The following CLTCL1 variants were observed in gnomAD, a reference collection of about 807,000 sequenced individuals.
CLTCL1 encodes the protein clathrin heavy chain 2.
Under a neutral mutation model 190.0 loss-of-function variants are expected in CLTCL1, and 159 were observed. The observed-to-expected ratio is 0.84, with a 90% confidence interval of 0.74 to 0.95. The LOEUF (loss-of-function observed/expected upper bound fraction) is 0.95. Ranked by LOEUF, CLTCL1 falls within the 40% of genes least tolerant of loss-of-function variation. The pLI is 0.00. For synonymous variants in CLTCL1, 752 were observed against 769.6 expected (o/e 0.98, Z 0.38); for missense variants, 1,878 against 2,033.4 (o/e 0.92, Z 1.47).
chr22:19,189,028 T>C (rs1046609033), intron 27 of CLTCL1, among the ~76,000 whole-genome samples: 1 of 152,016 alleles, frequency 6.6e-6, no homozygotes, highest in Admixed American at 6.6e-5. Flanking sequence ...CTCAGCCTCC[T>C]GAGTATCTGG....
At chr22:19,236,045 C>A (rs983162754) in intron 5 of CLTCL1, among the ~76,000 whole-genome samples, 176 bp from the exon 6 acceptor site, 1 of 152,106 alleles carries the variant, frequency 6.6e-6, no homozygotes, top group Non-Finnish European at 1.5e-5. Context: ...CTGCAACTTC[C>A]GACCTCTGGG....
In CLTCL1 at chr22:19,180,206, A is replaced by G. The variant is rs1555925148; in HGVS notation, c.*13T>C. ...TCCAAATGGGACACTTACTTAGTGC[A>G]ATCAGCTGGGTCTCATTCATGCCCA... On this transcript the variant is annotated 3_prime_UTR_variant, in exon 32 of 33. Coordinates refer to ENST00000427926, the MANE Select transcript of CLTCL1 (RefSeq NM_007098.4). The G allele has an allele frequency of 2.5e-6, 4 of 1,613,586 alleles. No individual in the cohort carries two copies. The highest frequency in any genetic ancestry group is 3.4e-6 in the Non-Finnish European group (4 of 1,179,746).
Position 19,180,749 on chromosome 22 carries a change from GCT to G in CLTCL1, c.4883_4884del (p.Glu1628AlafsTer7). On this transcript the variant is annotated frameshift_variant, in exon 31 of 33. Transcript: ENST00000427926. LOFTEE classifies it high-confidence loss of function. The stretch of plus-strand genomic sequence containing the variant: ...CACCTACCAAACACGAGAGGGGCAG[GCT>G]CTGTCACATGCTCCTCTTGCTTGCG... ...SLRKQEEHVT[E>X]PAPLVFDFDG... 6.2e-7 allele frequency: 1 copy of G among 1,613,754 alleles called. No individual in the cohort carries two copies.
chr22:19,237,317 A>T (rs879954626), intron 5 of CLTCL1, among the ~76,000 whole-genome samples: 9 of 152,066 alleles, frequency 5.9e-5, no homozygotes, highest in Non-Finnish European at 8.8e-5. Flanking sequence ...TCTACTTTTT[A>T]AAAAAAGATC....
At chr22:19,273,526 C>A (rs1390513166) in intron 2 of CLTCL1, among the ~76,000 whole-genome samples, 2 of 152,068 alleles carry the variant, frequency 1.3e-5, no homozygotes, top group African/African-American at 4.8e-5. Context: ...AGAACACCAG[C>A]CTCAGGCAAG....
At chr22:19,208,127 G>A (rs782132309) in intron 22 of CLTCL1, 27 bp downstream of exon 22, 3 of 1,613,590 alleles carry the variant, frequency 1.9e-6, no homozygotes, top group Non-Finnish European at 2.5e-6. Context: ...GACTGGCAGT[G>A]CACAGCCCCC....
intron 2 of CLTCL1, among the ~76,000 whole-genome samples, chr22:19,272,002 C>T (rs1204056981): frequency 6.6e-6 from 1 of 152,134 alleles, no homozygotes; most frequent in African/African-American, 2.4e-5. Flanking sequence ...CTAGCTACTT[C>T]AGAGGCTGAC....
chr22:19,283,700 T>C (rs2087804842), intron 1 of CLTCL1, among the ~76,000 whole-genome samples: 1 of 151,790 alleles, frequency 6.6e-6, no homozygotes, highest in Admixed American at 6.6e-5. Context: ...AATTCAAATC[T>C]GACAATGGGG....
At chr22:19,207,610 G>A (rs926584171) in intron 22 of CLTCL1, 2 of 413,962 alleles carry the variant, frequency 4.8e-6, no homozygotes, top group African/African-American at 4.1e-5. Flanking sequence ...GCTGGTCTGT[G>A]GCCTGTTAGG....
chr22:19,222,376 G>A (rs1294429844), intron 15 of CLTCL1, among the ~76,000 whole-genome samples: 2 of 152,222 alleles, frequency 1.3e-5, no homozygotes, highest in Admixed American at 6.5e-5. Context: ...CATGCACAGA[G>A]GAAAGGCCCT....
chr22:19,210,630 C>G, intron 19 of CLTCL1, 121 bp from the exon 20 acceptor site: 1 of 667,402 alleles, frequency 1.5e-6, no homozygotes, highest in Non-Finnish European at 2.5e-6. Context: ...TATACACACA[C>G]ATAACTGCTA....
At position 19,239,320 on chromosome 22, in the gene CLTCL1, C is replaced by T; in HGVS notation, c.750G>A (p.Val250=). 6.2e-7 allele frequency: 1 copy of T among 1,614,054 alleles called. No homozygotes were observed. Among genetic ancestry groups the T allele is most frequent in the Non-Finnish European group, 8.5e-7 (1 of 1,179,898 alleles). The change falls in exon 5 of 33, where the codon GTG becomes GTA. Residue 250 remains valine (V), a synonymous_variant. Coordinates refer to ENST00000427926, the MANE Select transcript of CLTCL1 (RefSeq NM_007098.4). The part of the protein sequence containing the change: ...NQPFVKKAVD[V]FFPPEAQNDF... Reference sequence around the variant, plus strand: ...CATTCTGTGCCTCTGGAGGAAAAAACACATCTACTGCTTTCTTTACAAAAG... The same window carrying T: ...CATTCTGTGCCTCTGGAGGAAAAAATACATCTACTGCTTTCTTTACAAAAG...
chr22:19,252,679 C>T (rs907343387), intron 3 of CLTCL1, among the ~76,000 whole-genome samples: 2 of 152,184 alleles, frequency 1.3e-5, no homozygotes, highest in Non-Finnish European at 2.9e-5. Context: ...GTGCAAACAT[C>T]CTGTAGTCCT....
chr22:19,194,087 A>G (rs2078337644), intron 26 of CLTCL1, among the ~76,000 whole-genome samples: 1 of 152,158 alleles, frequency 6.6e-6, no homozygotes, highest in African/African-American at 2.4e-5. Context: ...TGATTGGCCC[A>G]TTTTACAGAG....
intron 5 of CLTCL1, among the ~76,000 whole-genome samples, chr22:19,237,943 T>C (rs534562808): frequency 2.0e-5 from 3 of 152,320 alleles, no homozygotes; most frequent in Admixed American, 6.5e-5. Flanking sequence ...ATAACATATA[T>C]TTTATGAGAA....
chr22:19,189,991 G>T (rs2084437709), intron 27 of CLTCL1, among the ~76,000 whole-genome samples: 1 of 152,114 alleles, frequency 6.6e-6, no homozygotes, highest in African/African-American at 2.4e-5. Context: ...CTGTTGCCCA[G>T]GCTGGAGTGC....
chr22:19,198,246 C>T lies in CLTCL1; in HGVS notation c.3873+1488G>A, dbSNP rs1666838613. ...GGTGGCTGCTCATTCAAAGCACACA[C>T]CCAATCCTGATGGCCTGATCACCTC... On this transcript the variant is annotated intron_variant, in intron 24 of 32. Transcript: ENST00000427926. This position sits in a 1 kb window ranked among gnomAD's most constrained non-coding sequence, Gnocchi z 4.1. Among the ~76,000 whole-genome samples, 2 of 152,194 alleles carry T rather than the reference C, an allele frequency of 1.3e-5. No homozygotes were observed. Among genetic ancestry groups the T allele is most frequent in the African/African-American group, 4.8e-5 (2 of 41,442 alleles).
At position 19,188,018 on chromosome 22, in the gene CLTCL1, G is replaced by A. The variant is rs1601440386; in HGVS notation, c.4397C>T (p.Ala1466Val). 4 of 1,614,040 alleles carry A rather than the reference G, an allele frequency of 2.5e-6. No homozygotes were observed. The Middle Eastern group carries it at 4.9e-4, about 200-fold the overall frequency. ...QSHNNKSVNE[A>V]LNHLLTEEED... is the part of the protein sequence containing the mutation. Reference sequence around the variant, plus strand: ...CTCCTCTGTCAGCAGGTGGTTGAGTGCCTCATTCACACTCTTGTTGTTGTG... The same window carrying A: ...CTCCTCTGTCAGCAGGTGGTTGAGTACCTCATTCACACTCTTGTTGTTGTG... Residue 1466 changes from alanine (A) to valine (V), a missense_variant, in exon 28 of 33, where the codon GCA (alanine) becomes GTA (valine). Ala to Val is a moderately conservative substitution (Grantham distance 64). Coordinates refer to ENST00000427926, the MANE Select transcript of CLTCL1 (RefSeq NM_007098.4).
At chr22:19,204,407 T>C (rs2084989397) in intron 22 of CLTCL1, among the ~76,000 whole-genome samples, 1 of 152,178 alleles carries the variant, frequency 6.6e-6, no homozygotes, top group African/African-American at 2.4e-5. Flanking sequence ...GACTCAGCAC[T>C]TACCCAGGGG....
Sources: gnomAD v4.1 joint callset for allele counts (sites outside exome capture counted in the v4.1 genomes callset) on GRCh38, gnomAD v4.1.1 for gene constraint, Gnocchi (gnomAD v3.1) non-coding constraint, MANE v1.5 for transcripts, NCBI Gene and HGNC (gene_info 2026-07-23, HGNC 2026-07-21) for gene names.